The following KIF6 variants were observed in gnomAD, a reference collection of about 807,000 sequenced individuals.
The protein encoded by KIF6 is kinesin-like protein KIF6.
In KIF6, 106 loss-of-function variants were observed where a neutral mutation model predicts 112.7. The ratio of observed to expected loss-of-function variants is 0.94; its 90% confidence interval spans 0.80 to 1.11. KIF6 has a LOEUF of 1.11. Ranked by LOEUF, KIF6 falls within the 50% of genes least tolerant of loss-of-function variation. The pLI is 0.00. For synonymous variants in KIF6, 339 were observed against 339.9 expected, an observed-to-expected ratio of 1.00 and a Z score of 0.03; for missense variants, 929 against 964.0, an observed-to-expected ratio of 0.96 and a Z score of 0.48.
intron 13 of KIF6, among the ~76,000 whole-genome samples, chr6:39,432,911 C>G (rs1771260861): frequency 6.6e-6 from 1 of 151,938 alleles, no homozygotes; most frequent in Non-Finnish European, 1.5e-5. Context: ...CTTGGGGGAT[C>G]TCCAAATTGC....
At chr6:39,687,057 AC>A (rs1787913094) in intron 3 of KIF6, among the ~76,000 whole-genome samples, 2 of 152,176 alleles carry the variant, frequency 1.3e-5, no homozygotes, top group African/African-American at 4.8e-5. Context: ...TTCTGTAGCA[AC>A]CCAGGATACC....
chr6:39,643,164 T>C (rs1271677612), intron 3 of KIF6, among the ~76,000 whole-genome samples: 1 of 152,160 alleles, frequency 6.6e-6, no homozygotes, highest in Non-Finnish European at 1.5e-5. Flanking sequence ...CTAAGGAATT[T>C]ACTATAAAAT....
chr6:39,411,612 C>G (rs115416543), intron 15 of KIF6, among the ~76,000 whole-genome samples: 436 of 152,254 alleles, frequency 2.9e-3, no homozygotes, highest in African/African-American at 9.8e-3. Context: ...GGAGGCTGGT[C>G]AGCCTGGAGA....
rs1778448086 is a variant in KIF6 at position 39,536,689 on chromosome 6, G to A, written c.1645+3314C>T. ...GAAACTATTCCAATCAATAGAAAAAGAGGGAATCCTCCCTAACTCATTTTA... is the reference window on the plus strand; with the variant it reads ...GAAACTATTCCAATCAATAGAAAAAAAGGGAATCCTCCCTAACTCATTTTA... On this transcript the variant is annotated intron_variant, in intron 13 of 22. Coordinates refer to ENST00000287152, the MANE Select transcript of KIF6 (RefSeq NM_145027.6). Among the ~76,000 whole-genome samples, 4 of 150,940 alleles carry A rather than the reference G, an allele frequency of 2.7e-5. No homozygotes were observed. In the South Asian group the frequency reaches 8.3e-4, roughly 31 times the overall value.
At chr6:39,402,817 C>T (rs1182415509) in intron 15 of KIF6, among the ~76,000 whole-genome samples, 1 of 152,114 alleles carries the variant, frequency 6.6e-6, no homozygotes. Flanking sequence ...TTCCACAGGG[C>T]CTCCAACTTT....
chr6:39,524,488 G>C (rs980088673), intron 13 of KIF6, among the ~76,000 whole-genome samples: 1 of 152,122 alleles, frequency 6.6e-6, no homozygotes, highest in South Asian at 2.1e-4. Flanking sequence ...AATAAAGGTC[G>C]TATTCCTCCA....
chr6:39,500,377 G>T (rs996038998), intron 13 of KIF6, among the ~76,000 whole-genome samples: 1 of 152,212 alleles, frequency 6.6e-6, no homozygotes, highest in Non-Finnish European at 1.5e-5. Context: ...AAGCAATTCA[G>T]CTGTGGGAGA....
chr6:39,391,313 T>C (rs938035151), intron 15 of KIF6, among the ~76,000 whole-genome samples: 2 of 152,116 alleles, frequency 1.3e-5, no homozygotes, highest in Admixed American at 6.5e-5. Context: ...GTCTGGCACA[T>C]TGTTTGAGGC....
intron 3 of KIF6, among the ~76,000 whole-genome samples, chr6:39,653,152 A>C (rs1018155035): frequency 2.6e-5 from 4 of 152,208 alleles, no homozygotes; most frequent in African/African-American, 7.2e-5. Flanking sequence ...TTGCTGACAC[A>C]GCCTGTAGCA....
chr6:39,508,639 C>T (rs577371605), intron 13 of KIF6, among the ~76,000 whole-genome samples: 44 of 152,256 alleles, frequency 2.9e-4, no homozygotes, highest in East Asian at 1.7e-3. Flanking sequence ...CAACCTGAGA[C>T]GCTGGAGCTT....
intron 7 of KIF6, among the ~76,000 whole-genome samples, chr6:39,588,508 C>T (rs1448848288): frequency 6.6e-6 from 1 of 152,196 alleles, no homozygotes; most frequent in Non-Finnish European, 1.5e-5. Flanking sequence ...GCCACTGTGC[C>T]CAGCCATTGC....
chr6:39,557,709 A>G (rs1779782668), intron 10 of KIF6, among the ~76,000 whole-genome samples: 2 of 152,138 alleles, frequency 1.3e-5, no homozygotes, highest in Non-Finnish European at 2.9e-5. Context: ...TCAGAAGTCA[A>G]AAAATGAACT....
chr6:39,360,517 A>G lies in KIF6; in HGVS notation c.1960T>C (p.Phe654Leu). ...ACCTTCAGGGCTTTCAGGCGAGTGA[A>G]CATTGTTTTATACCTGCGGTGGAAT... ...EEEKRRYKTM[F>L]TRLKALKVEI... Residue 654 changes from phenylalanine (F) to leucine (L), a missense_variant, in exon 18 of 23, where the codon TTC becomes CTC. Around this residue, in one of 2 missense-constraint regions of KIF6, gnomAD observed 241 missense variants for 301.4 expected, o/e 0.80. Coordinates refer to ENST00000287152, the MANE Select transcript of KIF6 (RefSeq NM_145027.6). The G allele has an allele frequency of 6.2e-7, 1 of 1,614,220 alleles. No homozygotes were observed. The highest frequency in any genetic ancestry group is 8.5e-7 in the Non-Finnish European group (1 of 1,180,042).
intron 13 of KIF6, among the ~76,000 whole-genome samples, chr6:39,493,687 G>A (rs1359105465): frequency 1.3e-5 from 2 of 152,216 alleles, no homozygotes; most frequent in African/African-American, 4.8e-5. Flanking sequence ...TCAAGAACTA[G>A]GTAAATTGGC....
intron 3 of KIF6, among the ~76,000 whole-genome samples, chr6:39,701,417 C>G (rs536822232): frequency 1.3e-5 from 2 of 152,222 alleles, no homozygotes; most frequent in African/African-American, 4.8e-5. Flanking sequence ...GTGTATACAG[C>G]GGGCCAAATG....
At chr6:39,346,234 A>G (rs1448753384) in intron 20 of KIF6, 1 of 634,480 alleles carries the variant, frequency 1.6e-6, no homozygotes, top group Non-Finnish European at 2.9e-6. Context: ...AGCAGGAACT[A>G]AATCTGCTGT....
At chr6:39,483,022 T>A (rs976808246) in intron 13 of KIF6, among the ~76,000 whole-genome samples, 1 of 152,212 alleles carries the variant, frequency 6.6e-6, no homozygotes, top group African/African-American at 2.4e-5. Flanking sequence ...TTTAGATCAA[T>A]GGAAAAGTAA....
intron 6 of KIF6, among the ~76,000 whole-genome samples, chr6:39,597,012 G>C (rs1010707289): frequency 6.6e-6 from 1 of 152,092 alleles, no homozygotes; most frequent in South Asian, 2.1e-4. Context: ...TTTTCTAAAG[G>C]ATATGTAATT....
At chr6:39,696,593 G>T (rs1277573506) in intron 3 of KIF6, among the ~76,000 whole-genome samples, 3 of 151,320 alleles carry the variant, frequency 2.0e-5, no homozygotes, top group Admixed American at 6.6e-5. Context: ...CTTCACTGAT[G>T]AATCTACACC....
Sources: allele counts gnomAD v4.1 joint callset (sites outside exome capture counted in the v4.1 genomes callset), GRCh38; gene constraint gnomAD v4.1.1; regional missense constraint gnomAD v4.1.1; transcripts MANE v1.5; gene names NCBI Gene and HGNC (gene_info 2026-07-23, HGNC 2026-07-21).